The following CDYL variants were observed in gnomAD, a reference collection of about 807,000 sequenced individuals.
The protein encoded by CDYL is chromodomain Y like, also known as chromodomain Y-like protein.
CDYL carries 8 observed loss-of-function variants against 47.3 expected under a neutral mutation model. That is an observed-to-expected ratio of 0.17 (90% CI 0.10 to 0.31). The LOEUF (loss-of-function observed/expected upper bound fraction) is 0.31, where lower values mean the gene tolerates loss of function less well. Among genes scored for constraint, CDYL ranks in the 10% least tolerant of loss-of-function variants. CDYL has a pLI of 1.00. For synonymous variants in CDYL, 266 were observed against 265.0 expected (o/e 1.00, Z -0.04); for missense variants, 471 against 701.4 (o/e 0.67, Z 3.71).
chr6:4,843,099 T>A (rs1024348341), intron 1 of CDYL, among the ~76,000 whole-genome samples: 3 of 152,206 alleles, frequency 2.0e-5, no homozygotes, highest in African/African-American at 7.2e-5. Flanking sequence ...GGCTTATAAT[T>A]GTTTTGTTTA....
intron 1 of CDYL, chr6:4,714,930 A>G (rs1055402361): frequency 2.0e-5 from 3 of 152,206 alleles, no homozygotes; most frequent in African/African-American, 7.2e-5. Flanking sequence ...ATGTTATAAT[A>G]GTTTTAAATT....
chr6:4,723,503 T>A (rs1285683067), intron 2 of CDYL, among the ~76,000 whole-genome samples: 1 of 152,046 alleles, frequency 6.6e-6, no homozygotes, highest in African/African-American at 2.4e-5. Flanking sequence ...CAGAGAAGCA[T>A]CCTGGGCTAG....
intron 2 of CDYL, among the ~76,000 whole-genome samples, chr6:4,922,275 C>T (rs1757739775): frequency 6.6e-6 from 1 of 152,138 alleles, no homozygotes; most frequent in Non-Finnish European, 1.5e-5. Context: ...CTCTGACCTC[C>T]TGTGACCACC....
At chr6:4,829,307 A>G (rs1760068328) in intron 1 of CDYL, among the ~76,000 whole-genome samples, 1 of 152,156 alleles carries the variant, frequency 6.6e-6, no homozygotes, top group South Asian at 2.1e-4. Context: ...TAGAGACTGT[A>G]TTCCTTATTG....
At chr6:4,846,382 T>C (rs767345312) in intron 1 of CDYL, among the ~76,000 whole-genome samples, 2 of 152,340 alleles carry the variant, frequency 1.3e-5, no homozygotes, top group Middle Eastern at 3.4e-3. Flanking sequence ...AGTTCATTGC[T>C]CCTAGAATGG....
chr6:4,722,086 C>T (rs1279872732), intron 2 of CDYL, among the ~76,000 whole-genome samples: 1 of 152,128 alleles, frequency 6.6e-6, no homozygotes, highest in African/African-American at 2.4e-5. Flanking sequence ...AACTCCTGAC[C>T]TTTTGATCCG....
chr6:4,788,345 A>C (rs911493244), intron 1 of CDYL, among the ~76,000 whole-genome samples: 2 of 151,730 alleles, frequency 1.3e-5, no homozygotes, highest in African/African-American at 4.8e-5. Flanking sequence ...AATTTAGCCA[A>C]GTGTGGTGGT....
At chr6:4,709,992 G>A (rs1352358650) in intron 1 of CDYL, among the ~76,000 whole-genome samples, 3 of 152,048 alleles carry the variant, frequency 2.0e-5, no homozygotes, top group Non-Finnish European at 4.4e-5. Flanking sequence ...AGGCCGAGGC[G>A]GGCAGATTGT....
At chr6:4,853,079 G>A (rs1301419895) in intron 1 of CDYL, among the ~76,000 whole-genome samples, 3 of 152,148 alleles carry the variant, frequency 2.0e-5, no homozygotes, top group Non-Finnish European at 2.9e-5. Context: ...ATGAGTCACG[G>A]TGCCTAGCTC....
At chr6:4,732,140 G>C (rs1030937264) in intron 2 of CDYL, among the ~76,000 whole-genome samples, 1 of 152,062 alleles carries the variant, frequency 6.6e-6, no homozygotes, top group Non-Finnish European at 1.5e-5. Context: ...TTTGGGACTG[G>C]CCTGGGCAAC....
chr6:4,795,791 T>G (rs1230556662), intron 1 of CDYL, among the ~76,000 whole-genome samples: 1 of 152,130 alleles, frequency 6.6e-6, no homozygotes, highest in Non-Finnish European at 1.5e-5. Flanking sequence ...CTTTATTTCC[T>G]TCTGCCTTTA....
rs79745180 is a variant in CDYL at position 4,919,715 on chromosome 6, A to G, written c.692-15800A>G. ...GTGAAGACATTTAACAAGGAAATAG[A>G]AGTAATCACAGTCCATGATTTTAAT... On this transcript the variant is annotated intron_variant, in intron 2 of 6. Transcript: ENST00000397588. Among the ~76,000 whole-genome samples the G allele has an allele frequency of 6.8e-4, 104 of 152,344 alleles. 5 individuals carry two copies. The East Asian group carries it at 0.02, about 29-fold the overall frequency.
intron 1 of CDYL, among the ~76,000 whole-genome samples, chr6:4,780,369 G>T (rs1475079498): frequency 7.4e-6 from 1 of 135,096 alleles, no homozygotes; most frequent in African/African-American, 2.7e-5. Context: ...GAGTGGCTGG[G>T]ATTACAGACG....
chr6:4,869,748 T>G (rs936369149), intron 1 of CDYL, among the ~76,000 whole-genome samples: 3 of 152,154 alleles, frequency 2.0e-5, no homozygotes, highest in Non-Finnish European at 4.4e-5. Flanking sequence ...CCCCCCTCCT[T>G]TTTGGTAATT....
intron 5 of CDYL, among the ~76,000 whole-genome samples, chr6:4,945,760 A>T (rs962299735): frequency 6.6e-5 from 10 of 152,362 alleles, no homozygotes; most frequent in African/African-American, 2.4e-4. Flanking sequence ...ACGCCCTACC[A>T]GGCTGGCGGC....
chr6:4,713,974 G>A (rs1203683419), intron 1 of CDYL: 1 of 152,128 alleles, frequency 6.6e-6, no homozygotes, highest in East Asian at 1.9e-4. Flanking sequence ...AACTCCTTGT[G>A]GATAATAATC....
intron 2 of CDYL, among the ~76,000 whole-genome samples, chr6:4,916,137 C>A (rs548470729): frequency 6.6e-6 from 1 of 152,186 alleles, no homozygotes; most frequent in East Asian, 1.9e-4. Flanking sequence ...TGTAACCCAG[C>A]CACCTTGGCA....
chr6:4,836,608 A>G (rs1325618975), intron 1 of CDYL, among the ~76,000 whole-genome samples: 2 of 152,208 alleles, frequency 1.3e-5, no homozygotes, highest in African/African-American at 4.8e-5. Context: ...TATTTTTAAA[A>G]TCTGTTAGCA....
chr6:4,722,747 C>T (rs1385696616), intron 2 of CDYL, among the ~76,000 whole-genome samples: 2 of 152,088 alleles, frequency 1.3e-5, no homozygotes, highest in Non-Finnish European at 2.9e-5. Flanking sequence ...TGTGCAGGTG[C>T]ATACCTGTAA....
Sources: allele counts gnomAD v4.1 joint callset (sites outside exome capture counted in the v4.1 genomes callset), GRCh38; gene constraint gnomAD v4.1.1; transcripts MANE v1.5; gene names NCBI Gene and HGNC (gene_info 2026-07-23, HGNC 2026-07-21).